Variants in NIT2 observed in about 807,000 individuals in gnomAD.
NIT2 encodes nitrilase family member 2.
A neutral mutation model predicts 42.7 loss-of-function variants in NIT2; 46 were observed. The ratio of observed to expected loss-of-function variants is 1.08; its 90% CI spans 0.85 to 1.38. NIT2 has a LOEUF of 1.38. Ranked by LOEUF, NIT2 falls within the 40% of genes most tolerant of loss-of-function variation. The pLI is 0.00. For synonymous variants in NIT2, 123 were observed against 121.9 expected (o/e 1.01, Z -0.06); for missense variants, 309 against 342.5 (o/e 0.90, Z 0.77).
Position 100,359,575 on chromosome 3 carries a change from A to G in NIT2, c.*4307A>G, listed in dbSNP as rs941834569. 4 of 152,170 alleles carry G rather than the reference A, an allele frequency of 2.6e-5. No individual in the cohort carries two copies. The highest frequency in any genetic ancestry group is 2.9e-5 in the Non-Finnish European group (2 of 68,034). The allele number at this position is 152,170 out of a possible 1,614,324, so 9.4% of individuals were successfully genotyped here. A position where few individuals can be genotyped will look rare whatever the true frequency, so the allele number is the denominator to read the frequency against. The stretch of plus-strand genomic sequence containing the variant: ...AGACCTGTCCATGTGGCCTCTCTCA[A>G]CACCATTGGTGTGACCTTGCTCATA... On this transcript the variant is annotated 3_prime_UTR_variant, in exon 10 of 10. Coordinates refer to ENST00000394140, the MANE Select transcript of NIT2 (RefSeq NM_020202.5).
At chr3:100,341,749 T>C (rs550238518) in intron 4 of NIT2, among the ~76,000 whole-genome samples, 1 of 152,164 alleles carries the variant, frequency 6.6e-6, no homozygotes, top group Non-Finnish European at 1.5e-5. Context: ...TAGTATTAAA[T>C]GCGTATACAT....
At position 100,356,440 on chromosome 3, in the gene NIT2, A is replaced by G. The variant is rs1438609484; in HGVS notation, c.*1172A>G. On this transcript the variant is annotated 3_prime_UTR_variant, in exon 10 of 10. Transcript: ENST00000394140. ...ACCACTGGTTTAAGATAGATATATC[A>G]TATAGATATTTACCATTTACCATAT... 6.6e-6 allele frequency: 1 copy of G among 152,162 alleles called. No homozygotes were observed. The highest frequency in any genetic ancestry group is 1.5e-5 in the Non-Finnish European group (1 of 67,988). The allele number at this position is 152,162 out of a possible 1,614,324, so 9.4% of individuals were successfully genotyped here.
rs762521502 is a variant in NIT2 at position 100,354,757 on chromosome 3, C to T, written c.684-15C>T. 1 of 1,604,042 alleles carries T rather than the reference C, an allele frequency of 6.2e-7. No individual in the cohort carries two copies. ...CATCAGTGAATCCACTCATTCTCTT[C>T]TGCATCTTTTTCAGGGGGGAGGTTC... On this transcript the variant is annotated splice_polypyrimidine_tract_variant and intron_variant, in intron 8 of 9. Transcript: ENST00000394140.
rs181947778 is a variant in NIT2 at position 100,337,371 on chromosome 3, A to G, written c.8-1716A>G. Among the ~76,000 whole-genome samples the G allele has an allele frequency of 3.2e-3, 492 of 152,358 alleles. 5 individuals carry two copies. Among genetic ancestry groups the G allele is most frequent in the African/African-American group, 0.01 (428 of 41,588 alleles). ...CTTTACTGCTGCGTCCCACCAGACC[A>G]TAAGCAGGAACTATGTATCCATCAG... On this transcript the variant is annotated intron_variant, in intron 1 of 9. Coordinates refer to ENST00000394140, the MANE Select transcript of NIT2 (RefSeq NM_020202.5).
intron 1 of NIT2, 73 bp from the exon 2 acceptor site, chr3:100,339,014 T>C: frequency 2.8e-6 from 3 of 1,070,594 alleles, no homozygotes; most frequent in Non-Finnish European, 4.4e-6. Context: ...GCCTTCCATT[T>C]GAGAACTATG....
chr3:100,342,693 G>T (rs1266334791), intron 4 of NIT2, among the ~76,000 whole-genome samples: 1 of 151,396 alleles, frequency 6.6e-6, no homozygotes, highest in Non-Finnish European at 1.5e-5. Context: ...TGCTATAGTT[G>T]TCATTTGTAT....
At chr3:100,346,349 G>C in intron 6 of NIT2, 94 bp downstream of exon 6, 2 of 1,106,190 alleles carry the variant, frequency 1.8e-6, no homozygotes, top group East Asian at 2.6e-5. Context: ...AGCTGGGAGA[G>C]GGCTCTTTAA....
At chr3:100,347,007 T>G (rs191868880) in intron 6 of NIT2, among the ~76,000 whole-genome samples, 23 of 152,328 alleles carry the variant, frequency 1.5e-4, no homozygotes, top group African/African-American at 5.5e-4. Context: ...CGGCCCCTAA[T>G]TTCAGTTGAA....
chr3:100,348,706 T>C, intron 6 of NIT2, 97 bp from the exon 7 acceptor site: 1 of 907,456 alleles, frequency 1.1e-6, no homozygotes, highest in South Asian at 1.5e-5. Flanking sequence ...TTTGGGAAAG[T>C]TTGAGTTCAG....
At position 100,352,087 on chromosome 3, in the gene NIT2, A is replaced by G. The variant is rs367867543; in HGVS notation, c.585-317A>G. Among the ~76,000 whole-genome samples the G allele has an allele frequency of 3.3e-4, 50 of 152,336 alleles. No homozygotes were observed. In the Middle Eastern group the frequency reaches 0.01, roughly 31 times the overall value. On this transcript the variant is annotated intron_variant, in intron 7 of 9. Transcript: ENST00000394140. ...ACCATCTCACACCAGTTAGAATGGC[A>G]ATCATTAAAAAGTCAGGAAACAGCA... is the stretch of plus-strand genomic sequence containing the variant.
intron 3 of NIT2, among the ~76,000 whole-genome samples, chr3:100,340,853 A>G (rs1361958288): frequency 1.3e-5 from 2 of 152,206 alleles, no homozygotes; most frequent in Non-Finnish European, 2.9e-5. Context: ...ATCATATTCA[A>G]GAAGGAAAAA....
At chr3:100,349,925 T>C (rs548409165) in intron 7 of NIT2, 1 of 152,326 alleles carries the variant, frequency 6.6e-6, no homozygotes, top group East Asian at 1.9e-4. Context: ...GCCCATGAAA[T>C]GCTGGTCTGA....
intron 7 of NIT2, among the ~76,000 whole-genome samples, chr3:100,351,631 T>G (rs1413553147): frequency 6.6e-6 from 1 of 152,234 alleles, no homozygotes; most frequent in Non-Finnish European, 1.5e-5. Context: ...GACTTAAACG[T>G]TGGACCTAAA....
At chr3:100,348,187 C>G (rs1341376611) in intron 6 of NIT2, among the ~76,000 whole-genome samples, 3 of 152,236 alleles carry the variant, frequency 2.0e-5, no homozygotes, top group Non-Finnish European at 4.4e-5. Context: ...CCAGCGCACC[C>G]ACCGCCTTTA....
At chr3:100,345,516 A>G in intron 4 of NIT2, 69 bp from the exon 5 acceptor site, 1 of 1,052,208 alleles carries the variant, frequency 9.5e-7, no homozygotes, top group Non-Finnish European at 1.5e-6. Context: ...TGCCCGGGGA[A>G]AGATATTGTC....
intron 1 of NIT2, chr3:100,335,052 G>T (rs1339174345): frequency 3.9e-6 from 2 of 509,368 alleles, no homozygotes; most frequent in Admixed American, 2.5e-5. Context: ...GCCGGCACCC[G>T]CCGCGTCCTG....
At position 100,355,797 on chromosome 3, in the gene NIT2, A is replaced by G. The variant is rs1316120926; in HGVS notation, c.*529A>G. 1 of 152,406 alleles carries G rather than the reference A, an allele frequency of 6.6e-6. No individual in the cohort carries two copies. The highest frequency in any genetic ancestry group is 1.5e-5 in the Non-Finnish European group (1 of 68,228). 9.4% of individuals were successfully genotyped at this position (152,406 alleles called of 1,614,324 possible). ...CCAGCCTTTGCACTCTTCAAATTTA[A>G]AAAGGAGCTACTTATCAACCCCAGG... On this transcript the variant is annotated 3_prime_UTR_variant, in exon 10 of 10. Transcript: ENST00000394140.
rs959242535 is a variant in NIT2 at position 100,340,858 on chromosome 3, G to GA, written c.248-205dup. ...TCTCTGAAAGATCATATTCAAGAAGGAAAAAAAAAACCATGATTAAGTAAC... is the reference window on the plus strand; with the variant it reads ...TCTCTGAAAGATCATATTCAAGAAGGAAAAAAAAAAACCATGATTAAGTAAC... On this transcript the variant is annotated intron_variant, in intron 3 of 9. Transcript: ENST00000394140. Among the ~76,000 whole-genome samples, 240 of 147,834 alleles carry GA rather than the reference G, an allele frequency of 1.6e-3. 1 individual carries two copies. The highest frequency in any genetic ancestry group is 2.4e-3 in the Non-Finnish European group (161 of 66,808).
intron 4 of NIT2, among the ~76,000 whole-genome samples, chr3:100,344,939 C>T (rs1006537212): frequency 1.4e-5 from 2 of 141,202 alleles, no homozygotes; most frequent in Admixed American, 1.5e-4. Flanking sequence ...CAGTTTGATT[C>T]TGATAAGTAT....
Sources: allele counts gnomAD v4.1 joint callset (sites outside exome capture counted in the v4.1 genomes callset), GRCh38; gene constraint gnomAD v4.1.1; transcripts MANE v1.5; gene names NCBI Gene and HGNC (gene_info 2026-07-23, HGNC 2026-07-21).